ZSWIM6: variants seen among roughly 807,000 people sequenced by gnomAD.
The protein encoded by ZSWIM6 is zinc finger SWIM domain-containing protein 6.
ZSWIM6 carries 9 observed loss-of-function variants against 113.2 expected under a neutral mutation model. The observed-to-expected ratio is 0.08, with a 90% CI of 0.05 to 0.14. The LOEUF (loss-of-function observed/expected upper bound fraction) is 0.14, where lower values mean the gene tolerates loss of function less well. Among genes scored for constraint, ZSWIM6 ranks in the 10% least tolerant of loss-of-function variants. ZSWIM6 has a pLI of 1.00. For missense variants in ZSWIM6, 1,162 were observed against 1,552.2 expected (o/e 0.75, Z 4.22); for synonymous variants, 611 against 606.5 (o/e 1.01, Z -0.11).
chr5:61,502,467 C>T (rs1339468050), intron 4 of ZSWIM6, among the ~76,000 whole-genome samples: 1 of 152,156 alleles, frequency 6.6e-6, no homozygotes, highest in East Asian at 1.9e-4. Context: ...GAGGCAGATC[C>T]TTCTCAATCA....
intron 2 of ZSWIM6, among the ~76,000 whole-genome samples, chr5:61,482,538 C>T (rs933241057): frequency 1.3e-5 from 2 of 152,036 alleles, no homozygotes; most frequent in Non-Finnish European, 1.5e-5. Context: ...CATGAATTTG[C>T]ACTTTTGGGG....
chr5:61,365,338 C>T (rs1453694689), intron 1 of ZSWIM6, among the ~76,000 whole-genome samples: 1 of 109,448 alleles, frequency 9.1e-6, no homozygotes, highest in South Asian at 3.4e-4. Flanking sequence ...GGCGACAGAG[C>T]GGGACTCTGT....
At chr5:61,385,059 CA>C (rs1225591839) in intron 1 of ZSWIM6, among the ~76,000 whole-genome samples, 1 of 151,088 alleles carries the variant, frequency 6.6e-6, no homozygotes, top group Non-Finnish European at 1.5e-5. Flanking sequence ...GACTCCGTCT[CA>C]AAAAAAAATC....
intron 13 of ZSWIM6, among the ~76,000 whole-genome samples, chr5:61,542,473 A>T (rs1367166496): frequency 6.6e-6 from 1 of 152,158 alleles, no homozygotes; most frequent in Non-Finnish European, 1.5e-5. Flanking sequence ...TCAGAAGAAA[A>T]CTGTACATTC....
intron 1 of ZSWIM6, among the ~76,000 whole-genome samples, chr5:61,469,435 G>T (rs1747514447): frequency 6.6e-6 from 1 of 152,128 alleles, no homozygotes; most frequent in African/African-American, 2.4e-5. Context: ...ACATGTATAT[G>T]TTTATTTGTG....
chr5:61,359,605 C>T (rs1744989009), intron 1 of ZSWIM6, among the ~76,000 whole-genome samples: 1 of 152,068 alleles, frequency 6.6e-6, no homozygotes, highest in Non-Finnish European at 1.5e-5. Flanking sequence ...GATTTGGAGC[C>T]TGGGTGAGGG....
At chr5:61,376,114 A>G (rs1472325148) in intron 1 of ZSWIM6, among the ~76,000 whole-genome samples, 7 of 78,070 alleles carry the variant, frequency 9.0e-5, no homozygotes, top group Admixed American at 3.2e-4. Context: ...AGTGGTTAAG[A>G]TATTTGGGAA....
intron 1 of ZSWIM6, among the ~76,000 whole-genome samples, chr5:61,463,781 T>C (rs1462900608): frequency 1.3e-5 from 2 of 152,148 alleles, no homozygotes; most frequent in Non-Finnish European, 2.9e-5. Context: ...CATTTAGTTA[T>C]TTGTGACTTT....
chr5:61,525,677 C>CT, intron 5 of ZSWIM6, 123 bp from the exon 6 acceptor site: 1 of 1,151,492 alleles, frequency 8.7e-7, no homozygotes, highest in Non-Finnish European at 1.2e-6. Context: ...CACCCTTCTG[C>CT]TTAGGGGGTG....
chr5:61,412,765 G>C (rs1319023944), intron 1 of ZSWIM6, among the ~76,000 whole-genome samples: 1 of 152,060 alleles, frequency 6.6e-6, no homozygotes, highest in Non-Finnish European at 1.5e-5. Flanking sequence ...GGTTTATTGT[G>C]AATTTCCTCT....
At chr5:61,398,910 T>G (rs1450244883) in intron 1 of ZSWIM6, among the ~76,000 whole-genome samples, 5 of 125,120 alleles carry the variant, frequency 4.0e-5, no homozygotes, top group Non-Finnish European at 8.1e-5. Flanking sequence ...TTGTGTATAG[T>G]TGTTTTTTTT....
chr5:61,412,280 A>C (rs1439815395), intron 1 of ZSWIM6, among the ~76,000 whole-genome samples: 1 of 152,214 alleles, frequency 6.6e-6, no homozygotes, highest in Non-Finnish European at 1.5e-5. Flanking sequence ...TCAGAGTTGC[A>C]ACTACCATAA....
At chr5:61,386,314 T>C (rs1237678789) in intron 1 of ZSWIM6, among the ~76,000 whole-genome samples, 1 of 152,230 alleles carries the variant, frequency 6.6e-6, no homozygotes, top group Non-Finnish European at 1.5e-5. Context: ...TGTACCTTGT[T>C]AGTTTTTTTC....
intron 1 of ZSWIM6, chr5:61,375,333 A>G: frequency 6.2e-7 from 1 of 1,605,702 alleles, no homozygotes; most frequent in Non-Finnish European, 8.5e-7. Context: ...AAGAACTGGA[A>G]AAACACAGAG....
At chr5:61,514,581 G>T (rs1748881136) in intron 4 of ZSWIM6, among the ~76,000 whole-genome samples, 1 of 152,094 alleles carries the variant, frequency 6.6e-6, no homozygotes, top group South Asian at 2.1e-4. Flanking sequence ...GCTTTATCAT[G>T]AAGGAATGTC....
chr5:61,457,183 A>G (rs998478805), intron 1 of ZSWIM6, among the ~76,000 whole-genome samples: 4 of 151,910 alleles, frequency 2.6e-5, no homozygotes, highest in Non-Finnish European at 5.9e-5. Context: ...ATTTCTGATT[A>G]CCTGTCTACT....
intron 1 of ZSWIM6, among the ~76,000 whole-genome samples, chr5:61,368,529 C>T (rs7700289): frequency 0.21 from 32,668 of 152,050 alleles, 3,705 homozygotes; most frequent in South Asian, 0.31. Flanking sequence ...TTGGTTTTCC[C>T]TTATGTTAGC....
chr5:61,513,429 T>C (rs1748841696), intron 4 of ZSWIM6, among the ~76,000 whole-genome samples: 1 of 152,138 alleles, frequency 6.6e-6, no homozygotes, highest in Non-Finnish European at 1.5e-5. Flanking sequence ...TAACTTGTTT[T>C]CTCATTCTCT....
At chr5:61,529,122 G>A (rs899663388) in intron 7 of ZSWIM6, among the ~76,000 whole-genome samples, 24 of 152,160 alleles carry the variant, frequency 1.6e-4, no homozygotes, top group African/African-American at 4.8e-4. Flanking sequence ...CAAGAGAATC[G>A]CTTGAACCCG....
Sources: allele counts gnomAD v4.1 joint callset (sites outside exome capture counted in the v4.1 genomes callset), GRCh38; gene constraint gnomAD v4.1.1; transcripts MANE v1.5; gene names NCBI Gene and HGNC (gene_info 2026-07-23, HGNC 2026-07-21).